The following IGF2R variants were observed in gnomAD, a reference collection of about 807,000 sequenced individuals.
IGF2R encodes the protein insulin like growth factor 2 receptor.
Under a neutral mutation model 270.6 loss-of-function variants are expected in IGF2R, and 91 were observed. The observed-to-expected ratio is 0.34, with a 90% confidence interval of 0.28 to 0.40. The LOEUF is 0.40. IGF2R is among the 10% of genes least tolerant of loss of function. IGF2R has a pLI of 1.00. For synonymous variants in IGF2R, 1,316 were observed against 1,258.9 expected, an observed-to-expected ratio of 1.05 and a Z score of -0.96; for missense variants, 2,805 against 3,188.3, an observed-to-expected ratio of 0.88 and a Z score of 2.90.
chr6:160,008,460 C>CT lies in IGF2R; in HGVS notation c.290-545dup, dbSNP rs376724008. Reference sequence around the variant, plus strand: ...CCCATCATGTTGATTTTTACATAGACTTTTTATTCTGGACTGTTACAGTAA... The same window carrying CT: ...CCCATCATGTTGATTTTTACATAGACTTTTTTATTCTGGACTGTTACAGTAA... On this transcript the variant is annotated intron_variant, in intron 2 of 47. Coordinates refer to ENST00000356956, the MANE Select transcript of IGF2R (RefSeq NM_000876.4). Among the ~76,000 whole-genome samples the CT allele has an allele frequency of 1.3e-3, 196 of 152,216 alleles. 3 individuals carry two copies. Among genetic ancestry groups the CT allele is most frequent in the African/African-American group, 4.6e-3 (193 of 41,514 alleles).
chr6:160,017,626 A>G (rs772508242), intron 4 of IGF2R, among the ~76,000 whole-genome samples: 6 of 152,188 alleles, frequency 3.9e-5, no homozygotes, highest in Non-Finnish European at 5.9e-5. Context: ...CTAATCACCT[A>G]TAAAGAAAAT....
rs1483225969 is a variant in IGF2R, at chr6:160,048,422, A to G, written c.2393A>G (p.Asp798Gly). ...CTTGGAGGAAACTGGTATGCCATGGACAACTCAGGGGAACATGTCACGTGG... is the reference window on the plus strand; with the variant it reads ...CTTGGAGGAAACTGGTATGCCATGGGCAACTCAGGGGAACATGTCACGTGG... ...GGLGGNWYAM[D>G]NSGEHVTWRK... Residue 798 changes from aspartate to glycine, a missense_variant, in exon 18 of 48, where the codon GAC becomes GGC. This residue lies in a region of IGF2R where 1,851 missense variants were observed against 2,207.2 expected (regional missense o/e 0.84). Transcript: ENST00000356956. 8 of 1,614,094 alleles carry G rather than the reference A, an allele frequency of 5.0e-6. No individual in the cohort carries two copies. The highest frequency in any genetic ancestry group is 6.8e-6 in the Non-Finnish European group (8 of 1,180,030).
chr6:160,005,548 C>T (rs1038999721), intron 2 of IGF2R: 1 of 152,278 alleles, frequency 6.6e-6, no homozygotes, highest in African/African-American at 2.4e-5. Flanking sequence ...TCACTCCCTT[C>T]CCGCTTCCAG....
chr6:160,065,208 AAG>A (rs1230296172), intron 29 of IGF2R, among the ~76,000 whole-genome samples: 1 of 152,128 alleles, frequency 6.6e-6, no homozygotes, highest in Non-Finnish European at 1.5e-5. Context: ...CCCTGCGATG[AAG>A]GGAGGTCTTC....
At chr6:160,019,686 C>G (rs1040581077) in intron 4 of IGF2R, among the ~76,000 whole-genome samples, 3 of 152,042 alleles carry the variant, frequency 2.0e-5, no homozygotes, top group African/African-American at 7.2e-5. Context: ...AAATGTGATT[C>G]ACCATTTAAA....
Position 160,029,614 on chromosome 6 carries a change from G to A in IGF2R, c.841G>A (p.Ala281Thr). The A allele has an allele frequency of 6.2e-7, 1 of 1,614,146 alleles. No homozygotes were observed. The highest frequency in any genetic ancestry group is 8.5e-7 in the Non-Finnish European group (1 of 1,179,980). ...KLDFCDGHSP[A>T]VTITFVCPSE... Reference sequence around the variant, plus strand: ...AGACTTTTGTGATGGTCACAGCCCTGCGGTGACTATTACATTTGTTTGCCC... The same window carrying A: ...AGACTTTTGTGATGGTCACAGCCCTACGGTGACTATTACATTTGTTTGCCC... Residue 281 changes from alanine (A) to threonine (T), a missense_variant, in exon 7 of 48, where the codon GCG becomes ACG. Transcript: ENST00000356956.
chr6:160,062,816 C>A (rs1285443085), intron 26 of IGF2R, among the ~76,000 whole-genome samples, 197 bp downstream of exon 26: 2 of 151,308 alleles, frequency 1.3e-5, no homozygotes, highest in Admixed American at 6.6e-5. Context: ...GTGACATTTT[C>A]CTTGTGTGCC....
Position 160,106,937 on chromosome 6 carries a change from A to G in IGF2R, c.*1853A>G, listed in dbSNP as rs190297050. The G allele has an allele frequency of 6.6e-6, 1 of 152,288 alleles. No individual in the cohort carries two copies. The highest frequency in any genetic ancestry group is 1.9e-4 in the East Asian group (1 of 5,188). The allele number at this position is 152,288 out of a possible 1,614,324, so 9.4% of individuals were successfully genotyped here. The stretch of plus-strand genomic sequence containing the variant: ...AAACTCACTGAGTTTTCCATCTTAA[A>G]TTACTCAGCAGTGACTGAGAGCTAC... On this transcript the variant is annotated 3_prime_UTR_variant, in exon 48 of 48. Coordinates refer to ENST00000356956, the MANE Select transcript of IGF2R (RefSeq NM_000876.4).
At chr6:160,080,963 A>G (rs1778968268) in intron 39 of IGF2R, among the ~76,000 whole-genome samples, 1 of 45,972 alleles carries the variant, frequency 2.2e-5, no homozygotes, top group Non-Finnish European at 3.9e-5. Flanking sequence ...TAAAAATACA[A>G]AAAAAAAAAA....
At position 160,027,463 on chromosome 6, in the gene IGF2R, A is replaced by G. The variant is rs534139057; in HGVS notation, c.776+149A>G. ...ACATGTACTTGTAAGATTGTTGGTC[A>G]TTGCTGTGAGTCACATAGTCTAGTG... On this transcript the variant is annotated intron_variant, in intron 6 of 47. Coordinates refer to ENST00000356956, the MANE Select transcript of IGF2R (RefSeq NM_000876.4). The G allele has an allele frequency of 3.0e-5, 28 of 932,838 alleles. No homozygotes were observed. In the East Asian group the frequency reaches 3.2e-4, roughly 11 times the overall value. The allele number at this position is 932,838 out of a possible 1,614,324, so 57.8% of individuals were successfully genotyped here. A position where few individuals can be genotyped will look rare whatever the true frequency, so the allele number is the denominator to read the frequency against.
intron 6 of IGF2R, among the ~76,000 whole-genome samples, chr6:160,027,913 C>A (rs1777598391): frequency 6.6e-6 from 1 of 152,126 alleles, no homozygotes; most frequent in South Asian, 2.1e-4. Context: ...TTGGTAGACA[C>A]CTTGTTGTGC....
Position 160,103,776 on chromosome 6 carries a change from C to A in IGF2R, c.7026C>A (p.Cys2342Ter). The A allele has an allele frequency of 6.2e-7, 1 of 1,612,152 alleles. No homozygotes were observed. The highest frequency in any genetic ancestry group is 1.3e-5 in the African/African-American group (1 of 74,952). ...RETVISKLTT[C>*]CRRSSNVSYK... ...CAGTGATAAGTAAGCTGACCACTTG[C>A]TGTAGGAGAAGTTCCAACGTGTCCT... The change falls in exon 47 of 48, where the codon TGC becomes TGA. Residue 2342 changes from cysteine (C) to a stop codon, truncating the protein, a stop_gained. Transcript: ENST00000356956. LOFTEE classifies it low-confidence loss of function (END_TRUNC).
chr6:160,076,423 A>G (rs957775775), intron 36 of IGF2R, among the ~76,000 whole-genome samples: 1 of 152,216 alleles, frequency 6.6e-6, no homozygotes, highest in South Asian at 2.1e-4. Flanking sequence ...TAGCTACAAC[A>G]AAGTGGCACC....
chr6:160,019,830 C>T (rs373697316), intron 4 of IGF2R, among the ~76,000 whole-genome samples: 51 of 152,086 alleles, frequency 3.4e-4, no homozygotes, highest in Admixed American at 4.6e-4. Flanking sequence ...AAGGCATATA[C>T]GACAGAACCA....
At chr6:160,012,781 T>C (rs1447050811) in intron 4 of IGF2R, among the ~76,000 whole-genome samples, 1 of 114,618 alleles carries the variant, frequency 8.7e-6, no homozygotes, top group African/African-American at 3.1e-5. Flanking sequence ...TTTTTTTTGT[T>C]TGTTTGTTTG....
In IGF2R at chr6:160,040,740, C is replaced by A; in HGVS notation, c.1480+16C>A. ...CGCCATGCAGGTACTGCCCTCCTTG[C>A]CATGCGGGTCTTAGTCCACATGCTC... On this transcript the variant is annotated intron_variant, in intron 11 of 47. Transcript: ENST00000356956. The A allele has an allele frequency of 1.2e-6, 2 of 1,604,506 alleles. No individual in the cohort carries two copies.
At chr6:160,052,734 T>TA (rs1336875751) in intron 19 of IGF2R, among the ~76,000 whole-genome samples, 1 of 152,234 alleles carries the variant, frequency 6.6e-6, no homozygotes, top group Admixed American at 6.5e-5. Flanking sequence ...GCAAAACAGA[T>TA]ATATAGACCA....
chr6:160,037,838 C>CGCT lies in IGF2R; in HGVS notation c.1316-2721_1316-2719dup, dbSNP rs992086745. On this transcript the variant is annotated intron_variant, in intron 10 of 47. Coordinates refer to ENST00000356956, the MANE Select transcript of IGF2R (RefSeq NM_000876.4). ...CTCCATGTGGTCATTTGGAGACCTACGCTTTTTCCATCCTGTGTTTCTGCC... is the reference window on the plus strand; with the variant it reads ...CTCCATGTGGTCATTTGGAGACCTACGCTGCTTTTTCCATCCTGTGTTTCTGCC... 4.6e-5 allele frequency among the ~76,000 whole-genome samples: 7 copies of CGCT among 152,138 alleles called. No individual in the cohort carries two copies. The East Asian group carries it at 1.2e-3, about 25-fold the overall frequency.
rs944667649 is a variant in IGF2R at position 160,096,344 on chromosome 6, A to G, written c.6656-95A>G. The G allele has an allele frequency of 8.7e-6, 10 of 1,143,340 alleles. No individual in the cohort carries two copies. In the African/African-American group the frequency reaches 1.2e-4, roughly 14 times the overall value. The allele number at this position is 1,143,340 out of a possible 1,614,324, so 70.8% of individuals were successfully genotyped here. A position where few individuals can be genotyped will look rare whatever the true frequency, so the allele number is the denominator to read the frequency against. On this transcript the variant is annotated intron_variant, in intron 44 of 47. Transcript: ENST00000356956. ...ATGAAGTCTCTTCTGCCTGATTTTA[A>G]GTCTTTGCAAACTTTTTAGACCGTA...
Sources: allele counts gnomAD v4.1 joint callset (sites outside exome capture counted in the v4.1 genomes callset), GRCh38; gene constraint gnomAD v4.1.1; regional missense constraint gnomAD v4.1.1; transcripts MANE v1.5; gene names NCBI Gene and HGNC (gene_info 2026-07-23, HGNC 2026-07-21).